Variants in WWOX observed in about 807,000 individuals in gnomAD.
WWOX encodes WW domain containing oxidoreductase.
Under a neutral mutation model 46.2 loss-of-function variants are expected in WWOX, and 69 were observed. The observed-to-expected ratio is 1.49, with a 90% CI of 1.23 to 1.82. The LOEUF (loss-of-function observed/expected upper bound fraction) is 1.82. Among genes scored for constraint, WWOX ranks in the 40% most tolerant of loss-of-function variants. The pLI, the probability that WWOX is intolerant of heterozygous loss-of-function variation, is 0.00. For synonymous variants in WWOX, 359 were observed against 202.6 expected (o/e 1.77, Z -6.56); for missense variants, 919 against 542.6 (o/e 1.69, Z -6.89).
chr16:78,304,808 A>C (rs576023631), intron 5 of WWOX, among the ~76,000 whole-genome samples: 2 of 152,320 alleles, frequency 1.3e-5, no homozygotes, highest in African/African-American at 4.8e-5. Flanking sequence ...TTCCTAGAAG[A>C]GGAATTCTGT....
chr16:78,682,259 C>G (rs1454788839), intron 8 of WWOX, among the ~76,000 whole-genome samples: 2 of 152,192 alleles, frequency 1.3e-5, no homozygotes, highest in African/African-American at 2.4e-5. Flanking sequence ...AAATAACAAT[C>G]TTCTATTTAA....
intron 8 of WWOX, among the ~76,000 whole-genome samples, chr16:78,861,896 G>C (rs2043892963): frequency 6.6e-6 from 1 of 152,180 alleles, no homozygotes; most frequent in Admixed American, 6.5e-5. Flanking sequence ...CCAGTGCAAG[G>C]CTAAAATTGC....
At chr16:78,769,422 C>A (rs1198874214) in intron 8 of WWOX, among the ~76,000 whole-genome samples, 1 of 152,218 alleles carries the variant, frequency 6.6e-6, no homozygotes, top group South Asian at 2.1e-4. Flanking sequence ...CATGTTGTAG[C>A]CATTGGGGAC....
intron 8 of WWOX, among the ~76,000 whole-genome samples, chr16:79,015,099 G>A (rs948213538): frequency 6.6e-6 from 1 of 152,142 alleles, no homozygotes; most frequent in East Asian, 1.9e-4. Context: ...ATGTGTCGGG[G>A]GCCACAGGAC....
chr16:78,339,777 C>G (rs79112083), intron 5 of WWOX, among the ~76,000 whole-genome samples: 13,588 of 116,678 alleles, frequency 0.12, 4,090 homozygotes, highest in East Asian at 0.21. Flanking sequence ...TCGGGAAGTA[C>G]AAACCCTTGT....
At chr16:78,344,705 G>C (rs1597069255) in intron 5 of WWOX, among the ~76,000 whole-genome samples, 1 of 121,934 alleles carries the variant, frequency 8.2e-6, no homozygotes, top group East Asian at 1.9e-4. Context: ...TTGAAGGGAA[G>C]GAATTGACTG....
intron 8 of WWOX, chr16:78,496,422 C>G (rs548147980): frequency 1.3e-5 from 2 of 152,346 alleles, no homozygotes; most frequent in African/African-American, 4.8e-5. Flanking sequence ...AATTTCCTAT[C>G]TGTGATGACC....
At chr16:78,309,477 T>C (rs2080197543) in intron 5 of WWOX, among the ~76,000 whole-genome samples, 4 of 152,152 alleles carry the variant, frequency 2.6e-5, no homozygotes, top group Admixed American at 2.6e-4. Flanking sequence ...GAAGCCCTCA[T>C]CCCCATCACT....
chr16:78,506,034 C>A (rs1422782707), intron 8 of WWOX, among the ~76,000 whole-genome samples: 2 of 152,230 alleles, frequency 1.3e-5, no homozygotes, highest in Admixed American at 6.5e-5. Context: ...GACCCTTGCA[C>A]CCCTGGATCT....
intron 8 of WWOX, among the ~76,000 whole-genome samples, chr16:79,111,963 C>G (rs1028115606): frequency 6.6e-6 from 1 of 152,158 alleles, no homozygotes; most frequent in South Asian, 2.1e-4. Flanking sequence ...GATGAGTTGT[C>G]TCATAGGACC....
Position 78,733,082 on chromosome 16 carries a change from C to T in WWOX, c.1056+300330C>T, listed in dbSNP as rs183668484. 5.9e-3 allele frequency among the ~76,000 whole-genome samples: 895 copies of T among 152,260 alleles called. 8 individuals are homozygous for T. Among genetic ancestry groups the T allele is most frequent in the African/African-American group, 0.02 (815 of 41,538 alleles). ...ATGTAAAACCATGTTCCCCAAACTT[C>T]CGCCTTTTTTGTCCCATTTGCTCCG... is the stretch of plus-strand genomic sequence containing the variant. On this transcript the variant is annotated intron_variant, in intron 8 of 8. Coordinates refer to ENST00000566780, the MANE Select transcript of WWOX (RefSeq NM_016373.4).
At chr16:79,092,674 C>G (rs112576290) in intron 8 of WWOX, among the ~76,000 whole-genome samples, 5 of 152,312 alleles carry the variant, frequency 3.3e-5, no homozygotes, top group African/African-American at 1.2e-4. Context: ...GTGATGGAAA[C>G]AGAGACAGAT....
At chr16:79,153,706 T>C (rs1048085261) in intron 8 of WWOX, among the ~76,000 whole-genome samples, 5 of 152,188 alleles carry the variant, frequency 3.3e-5, no homozygotes, top group African/African-American at 7.2e-5. Context: ...TTCCTCCCAG[T>C]ACCATTTAAA....
At chr16:78,462,647 T>A (rs1855977752) in intron 8 of WWOX, among the ~76,000 whole-genome samples, 1 of 152,148 alleles carries the variant, frequency 6.6e-6, no homozygotes, top group African/African-American at 2.4e-5. Flanking sequence ...CAGGAGCAGA[T>A]GAACTGCCAA....
At chr16:78,929,509 C>G (rs533075751) in intron 8 of WWOX, among the ~76,000 whole-genome samples, 1 of 152,224 alleles carries the variant, frequency 6.6e-6, no homozygotes, top group East Asian at 1.9e-4. Context: ...AATACTGGCA[C>G]CGTATCCGAG....
At chr16:78,393,448 C>T (rs573548970) in intron 6 of WWOX, among the ~76,000 whole-genome samples, 2 of 151,986 alleles carry the variant, frequency 1.3e-5, no homozygotes, top group South Asian at 2.1e-4. Flanking sequence ...TGCTTAAGCC[C>T]AGAAACGTGA....
intron 8 of WWOX, among the ~76,000 whole-genome samples, chr16:78,765,405 A>G (rs7195438): frequency 0.018 from 2,691 of 152,272 alleles, 85 homozygotes; most frequent in African/African-American, 0.062. Context: ...GGGGCCGGGC[A>G]CGGTGGCTCA....
At chr16:79,010,657 G>A (rs1361021259) in intron 8 of WWOX, among the ~76,000 whole-genome samples, 2 of 152,228 alleles carry the variant, frequency 1.3e-5, no homozygotes, top group Non-Finnish European at 2.9e-5. Context: ...AGTTGGAGAA[G>A]ACAGTGGATT....
At chr16:79,180,694 C>G (rs930411494) in intron 8 of WWOX, among the ~76,000 whole-genome samples, 3 of 152,114 alleles carry the variant, frequency 2.0e-5, no homozygotes, top group Non-Finnish European at 4.4e-5. Context: ...CCCTCCCTCC[C>G]TCCATTTCTT....
Sources: allele counts gnomAD v4.1 joint callset (sites outside exome capture counted in the v4.1 genomes callset), GRCh38; gene constraint gnomAD v4.1.1; transcripts MANE v1.5; gene names NCBI Gene and HGNC (gene_info 2026-07-23, HGNC 2026-07-21).